Variants in CHCHD6 observed in about 807,000 individuals in gnomAD.
CHCHD6 encodes the protein MICOS complex subunit MIC25.
In CHCHD6, 28 loss-of-function variants were observed where a neutral mutation model predicts 32.3. The ratio of observed to expected loss-of-function variants is 0.87; its 90% CI spans 0.64 to 1.19. CHCHD6 has a LOEUF of 1.19. CHCHD6 is among the 50% of genes most tolerant of loss of function. The pLI, the probability that CHCHD6 is intolerant of heterozygous loss-of-function variation, is 0.00. For missense variants in CHCHD6, 333 were observed against 307.0 expected (o/e 1.08, Z -0.63); for synonymous variants, 122 against 117.5 (o/e 1.04, Z -0.25).
intron 4 of CHCHD6, among the ~76,000 whole-genome samples, chr3:126,782,967 T>G (rs1236524733): frequency 3.2e-4 from 48 of 152,138 alleles, no homozygotes; most frequent in Admixed American, 3.1e-3. Context: ...GGTCAGTTAG[T>G]CCAGCACCAT....
At position 126,760,834 on chromosome 3, in the gene CHCHD6, C is replaced by CT. The variant is rs1021831528; in HGVS notation, c.411+27622dup. On this transcript the variant is annotated intron_variant, in intron 4 of 7. Transcript: ENST00000290913. ...TCTCTTCAAGACCCTGCTTTCAATT[C>CT]TTTTTTTTTTCTCATTTGGAGGCAG... Among the ~76,000 whole-genome samples the CT allele has an allele frequency of 2.3e-4, 34 of 149,784 alleles. No homozygotes were observed. The South Asian group carries it at 3.4e-3, about 15-fold the overall frequency.
At chr3:126,920,975 T>C (rs911909899) in intron 6 of CHCHD6, among the ~76,000 whole-genome samples, 1 of 152,146 alleles carries the variant, frequency 6.6e-6, no homozygotes, top group Non-Finnish European at 1.5e-5. Flanking sequence ...AATTTTTTTT[T>C]CCCTCGGGGA....
chr3:126,864,672 C>T (rs62654848), intron 5 of CHCHD6, among the ~76,000 whole-genome samples: 21,719 of 147,072 alleles, frequency 0.15, 2,209 homozygotes, highest in Non-Finnish European at 0.22. Flanking sequence ...CCTCCTCCAC[C>T]ATCATCTCCT....
chr3:126,897,655 A>G (rs545688021), intron 5 of CHCHD6, among the ~76,000 whole-genome samples: 19 of 152,356 alleles, frequency 1.2e-4, no homozygotes, highest in African/African-American at 4.3e-4. Context: ...TCAGCTATAA[A>G]AAGGAGACGA....
intron 7 of CHCHD6, 130 bp from the exon 8 acceptor site, chr3:126,960,066 C>G (rs1183596688): frequency 1.9e-6 from 2 of 1,066,824 alleles, no homozygotes; most frequent in Non-Finnish European, 1.4e-6. Context: ...TGATGGGTCT[C>G]CAGGTGAGGA....
At chr3:126,831,715 T>A (rs991174011) in intron 4 of CHCHD6, among the ~76,000 whole-genome samples, 1 of 152,208 alleles carries the variant, frequency 6.6e-6, no homozygotes, top group Non-Finnish European at 1.5e-5. Flanking sequence ...GCTTCAGAAT[T>A]GTTCTAAATT....
intron 4 of CHCHD6, among the ~76,000 whole-genome samples, chr3:126,849,185 C>A (rs1941388511): frequency 6.6e-6 from 1 of 152,222 alleles, no homozygotes; most frequent in East Asian, 1.9e-4. Context: ...TTAGGGAGAT[C>A]CCTAGGCTGC....
chr3:126,721,395 C>A (rs1935285414), intron 1 of CHCHD6, among the ~76,000 whole-genome samples: 1 of 152,200 alleles, frequency 6.6e-6, no homozygotes, highest in South Asian at 2.1e-4. Flanking sequence ...GCAGACATCG[C>A]TGCCGTCCCG....
intron 5 of CHCHD6, among the ~76,000 whole-genome samples, chr3:126,864,102 C>T (rs1441942488): frequency 1.3e-5 from 2 of 150,016 alleles, no homozygotes; most frequent in African/African-American, 4.9e-5. Context: ...CCACCATTAC[C>T]ACATCCTCCA....
chr3:126,886,794 C>T (rs2077685437), intron 5 of CHCHD6, among the ~76,000 whole-genome samples: 1 of 152,098 alleles, frequency 6.6e-6, no homozygotes, highest in African/African-American at 2.4e-5. Context: ...GCCTGAGGTG[C>T]CTAGGAGCTT....
chr3:126,932,399 T>C (rs1055063100), intron 6 of CHCHD6, among the ~76,000 whole-genome samples: 1 of 152,146 alleles, frequency 6.6e-6, no homozygotes, highest in Admixed American at 6.5e-5. Flanking sequence ...CCAAACTGAA[T>C]GTATTCCAGC....
chr3:126,761,056 C>T (rs1351771020), intron 4 of CHCHD6, among the ~76,000 whole-genome samples: 1 of 152,218 alleles, frequency 6.6e-6, no homozygotes, highest in African/African-American at 2.4e-5. Flanking sequence ...TGGTCTCAAC[C>T]TCCTGGCAAG....
At chr3:126,736,334 G>T (rs972389538) in intron 4 of CHCHD6, among the ~76,000 whole-genome samples, 1 of 152,160 alleles carries the variant, frequency 6.6e-6, no homozygotes, top group Non-Finnish European at 1.5e-5. Context: ...CCTCCAGGAG[G>T]GTTGGTCCTG....
At chr3:126,897,235 C>T (rs1000591395) in intron 5 of CHCHD6, among the ~76,000 whole-genome samples, 8 of 152,160 alleles carry the variant, frequency 5.3e-5, no homozygotes, top group African/African-American at 2.4e-5. Context: ...CGAGGCTGGC[C>T]GCATTTCAGG....
chr3:126,729,340 TACTG>T (rs1935676667), intron 2 of CHCHD6, among the ~76,000 whole-genome samples: 1 of 152,116 alleles, frequency 6.6e-6, no homozygotes. Context: ...ACGTCACTAA[TACTG>T]AAAGAAACAC....
intron 5 of CHCHD6, among the ~76,000 whole-genome samples, chr3:126,861,398 T>C (rs575929555): frequency 6.6e-6 from 1 of 152,094 alleles, no homozygotes; most frequent in East Asian, 1.9e-4. Flanking sequence ...ATATAAAGTT[T>C]CTACTTCGGA....
At chr3:126,905,760 C>T (rs2077996120) in intron 5 of CHCHD6, among the ~76,000 whole-genome samples, 1 of 152,078 alleles carries the variant, frequency 6.6e-6, no homozygotes, top group African/African-American at 2.4e-5. Flanking sequence ...AGTCAGGTGA[C>T]AAGCAAGGAG....
intron 5 of CHCHD6, among the ~76,000 whole-genome samples, chr3:126,876,235 C>A (rs2077537797): frequency 6.6e-6 from 1 of 152,148 alleles, no homozygotes; most frequent in Admixed American, 6.5e-5. Flanking sequence ...ATTCAGGGAC[C>A]CCAGTACCCA....
chr3:126,934,537 T>C (rs10558739), intron 6 of CHCHD6, among the ~76,000 whole-genome samples: 26 of 15,274 alleles, frequency 1.7e-3, no homozygotes, highest in African/African-American at 3.5e-3. Flanking sequence ...CCCTCTCTGC[T>C]TTTTTTTTTT....
Sources: gnomAD v4.1 joint callset for allele counts (sites outside exome capture counted in the v4.1 genomes callset) on GRCh38, gnomAD v4.1.1 for gene constraint, MANE v1.5 for transcripts, NCBI Gene and HGNC (gene_info 2026-07-23, HGNC 2026-07-21) for gene names.